The following CNKSR2 variants were observed in gnomAD, a reference collection of about 807,000 sequenced individuals.
CNKSR2 encodes the protein CNK homolog protein 2.
CNKSR2 carries 14 observed loss-of-function variants against 84.4 expected under a neutral mutation model. The observed-to-expected ratio is 0.17, with a 90% CI of 0.11 to 0.26. CNKSR2 has a LOEUF of 0.26. Among genes scored for constraint, CNKSR2 ranks in the 10% least tolerant of loss-of-function variants. CNKSR2 has a pLI of 1.00. For synonymous variants in CNKSR2, 275 were observed against 277.9 expected (o/e 0.99, Z 0.10); for missense variants, 485 against 771.2 (o/e 0.63, Z 4.40).
chrX:21,591,743 T>A (rs1233726167), intron 15 of CNKSR2: 1 of 111,038 alleles, frequency 9.0e-6, no homozygotes, highest in Non-Finnish European at 1.9e-5. Flanking sequence ...TAAATTATTC[T>A]TATGATTTTC....
chrX:21,420,875 C>A (rs1214473612), intron 1 of CNKSR2, among the ~76,000 whole-genome samples: 1 of 111,294 alleles, frequency 9.0e-6, no homozygotes, highest in East Asian at 2.8e-4. Flanking sequence ...CTCTCTTGGC[C>A]ACCCTGGCTG....
intron 11 of CNKSR2, among the ~76,000 whole-genome samples, chrX:21,541,250 G>C (rs2091974559): frequency 9.0e-6 from 1 of 111,398 alleles, no homozygotes; most frequent in South Asian, 3.8e-4. Flanking sequence ...CAAGGTGCTG[G>C]GATTACAGGC....
intron 4 of CNKSR2, among the ~76,000 whole-genome samples, chrX:21,457,224 T>C (rs1390947824): frequency 8.9e-6 from 1 of 111,910 alleles, no homozygotes; most frequent in Non-Finnish European, 1.9e-5. Context: ...TTTGGGTTGA[T>C]GTAGTCCTGC....
rs566359120 is a variant in CNKSR2 at position 21,615,746 on chromosome X, A to G, written c.2692+6129A>G. Among the ~76,000 whole-genome samples the G allele has an allele frequency of 4.8e-4, 54 of 111,912 alleles. No homozygotes were observed. In the South Asian group the frequency reaches 0.02, roughly 41 times the overall value. On this transcript the variant is annotated intron_variant, in intron 20 of 21. Transcript: ENST00000379510. ...AAGCGGGCAATTACAATACTTAAAT[A>G]GTGAATTAGGCCTGGCAAACCTCAT...
chrX:21,434,650 C>G (rs1464569223), intron 3 of CNKSR2, among the ~76,000 whole-genome samples: 2 of 110,942 alleles, frequency 1.8e-5, no homozygotes, highest in Non-Finnish European at 3.8e-5. Context: ...TTATAAGCAC[C>G]TGTTTTCATT....
chrX:21,601,493 A>C (rs2092482063), intron 18 of CNKSR2, 144 bp downstream of exon 18: 8 of 411,993 alleles, frequency 1.9e-5, no homozygotes, highest in Non-Finnish European at 2.9e-5. Context: ...GAGGTTTAAC[A>C]ACTTATATAG....
intron 2 of CNKSR2, among the ~76,000 whole-genome samples, chrX:21,430,672 T>C (rs745993791): frequency 7.1e-5 from 8 of 112,242 alleles, no homozygotes; most frequent in Non-Finnish European, 1.3e-4. Context: ...TACTTTGCTT[T>C]TCAGTATTTT....
At chrX:21,393,961 T>C (rs2090086352) in intron 1 of CNKSR2, among the ~76,000 whole-genome samples, 2 of 112,303 alleles carry the variant, frequency 1.8e-5, no homozygotes, top group African/African-American at 6.5e-5. Context: ...CAAATACTAG[T>C]AGGAAGCACT....
At chrX:21,557,209 C>T (rs1166356945) in intron 11 of CNKSR2, among the ~76,000 whole-genome samples, 1 of 111,032 alleles carries the variant, frequency 9.0e-6, no homozygotes, top group African/African-American at 3.3e-5. Context: ...ATGTTGTACA[C>T]TAGCATTAAA....
At chrX:21,411,905 A>G (rs1462092719) in intron 1 of CNKSR2, among the ~76,000 whole-genome samples, 1 of 111,661 alleles carries the variant, frequency 9.0e-6, no homozygotes, top group African/African-American at 3.3e-5. Flanking sequence ...TTTACTCCCT[A>G]GAATAATGCC....
At chrX:21,592,757 A>G (rs1772117594) in intron 15 of CNKSR2, 1 of 111,077 alleles carries the variant, frequency 9.0e-6, no homozygotes, top group African/African-American at 3.3e-5. Context: ...CTGCTTCGCT[A>G]AGTGTGTCTT....
intron 11 of CNKSR2, among the ~76,000 whole-genome samples, chrX:21,551,715 C>A (rs1406767198): frequency 1.8e-5 from 2 of 111,658 alleles, no homozygotes; most frequent in Non-Finnish European, 3.8e-5. Context: ...TACTAAACAT[C>A]CTGCAGTGCT....
At chrX:21,581,794 C>T (rs1425723679) in intron 13 of CNKSR2, among the ~76,000 whole-genome samples, 1 of 111,809 alleles carries the variant, frequency 8.9e-6, no homozygotes, top group Non-Finnish European at 1.9e-5. Context: ...AGAGTGGTGA[C>T]CTAAACAAAT....
chrX:21,555,639 A>T (rs1355176141), intron 11 of CNKSR2, among the ~76,000 whole-genome samples: 1 of 111,525 alleles, frequency 9.0e-6, no homozygotes, highest in Non-Finnish European at 1.9e-5. Flanking sequence ...TAGCTTAACT[A>T]TACTCACTAT....
intron 20 of CNKSR2, among the ~76,000 whole-genome samples, chrX:21,619,353 G>C (rs2092591840): frequency 8.9e-6 from 1 of 111,883 alleles, no homozygotes; most frequent in African/African-American, 3.2e-5. Flanking sequence ...TTAATATAGG[G>C]AATATTAGCA....
chrX:21,653,849 G>A lies in CNKSR2; in HGVS notation c.*1328G>A, dbSNP rs920997705. 3.6e-5 allele frequency: 4 copies of A among 111,265 alleles called. No homozygotes were observed. The highest frequency in any genetic ancestry group is 1.3e-4 in the African/African-American group (4 of 30,664). 9.2% of individuals were successfully genotyped at this position (111,265 alleles called of 1,213,427 possible). A position where few individuals can be genotyped will look rare whatever the true frequency, so the allele number is the denominator to read the frequency against. ...GCTGTTTTTTTCAGGAGGAGAAAGGGAACCTCCTTTACTATTCTATATCCT... is the reference window on the plus strand; with the variant it reads ...GCTGTTTTTTTCAGGAGGAGAAAGGAAACCTCCTTTACTATTCTATATCCT... On this transcript the variant is annotated 3_prime_UTR_variant, in exon 22 of 22. Coordinates refer to ENST00000379510, the MANE Select transcript of CNKSR2 (RefSeq NM_014927.5).
At chrX:21,505,538 A>G (rs2091604293) in intron 8 of CNKSR2, 1 of 111,460 alleles carries the variant, frequency 9.0e-6, no homozygotes, top group African/African-American at 3.3e-5. Context: ...AGGATGGCAG[A>G]GAGTGTGGGA....
chrX:21,443,470 T>C lies in CNKSR2; in HGVS notation c.519+2689T>C, dbSNP rs545219558. On this transcript the variant is annotated intron_variant, in intron 4 of 21. Coordinates refer to ENST00000379510, the MANE Select transcript of CNKSR2 (RefSeq NM_014927.5). ...TCTTAAAACTCAAGTTTTGATGATA[T>C]GCTTTTTACCTGAACTGGTCCTCTC... is the stretch of plus-strand genomic sequence containing the variant. 9.9e-5 allele frequency among the ~76,000 whole-genome samples: 11 copies of C among 111,593 alleles called. No homozygotes were observed. In the South Asian group the frequency reaches 2.6e-3, roughly 26 times the overall value.
At chrX:21,512,565 G>T (rs2091684238) in intron 8 of CNKSR2, among the ~76,000 whole-genome samples, 2 of 111,290 alleles carry the variant, frequency 1.8e-5, no homozygotes, top group African/African-American at 6.5e-5. Flanking sequence ...AGCTGCAAAA[G>T]ACTAGAAGCA....
Sources: allele counts gnomAD v4.1 joint callset (sites outside exome capture counted in the v4.1 genomes callset), GRCh38; gene constraint gnomAD v4.1.1; transcripts MANE v1.5; gene names NCBI Gene and HGNC (gene_info 2026-07-23, HGNC 2026-07-21).